Variants in PLA2R1 observed in about 807,000 individuals in gnomAD.
The protein encoded by PLA2R1 is secretory phospholipase A2 receptor.
PLA2R1 carries 158 observed loss-of-function variants against 195.9 expected under a neutral mutation model. The ratio of observed to expected loss-of-function variants is 0.81; its 90% CI spans 0.71 to 0.92. The LOEUF (loss-of-function observed/expected upper bound fraction) is 0.92, where lower values mean the gene tolerates loss of function less well. Ranked by LOEUF, PLA2R1 falls within the 40% of genes least tolerant of loss-of-function variation. The pLI is 0.00. For missense variants in PLA2R1, 1,626 were observed against 1,764.6 expected (o/e 0.92, Z 1.41); for synonymous variants, 586 against 598.2 (o/e 0.98, Z 0.30).
intron 7 of PLA2R1, among the ~76,000 whole-genome samples, chr2:160,021,045 C>A (rs1235191050): frequency 6.6e-6 from 1 of 152,020 alleles, no homozygotes; most frequent in Non-Finnish European, 1.5e-5. Flanking sequence ...AATAGGAAGG[C>A]CCACTGGATT....
chr2:159,989,039 C>T (rs1283501514), intron 11 of PLA2R1, among the ~76,000 whole-genome samples: 4 of 152,052 alleles, frequency 2.6e-5, no homozygotes, highest in African/African-American at 9.7e-5. Context: ...AATCAGAGAC[C>T]CTCAAAGGTA....
intron 6 of PLA2R1, 143 bp from the exon 7 acceptor site, chr2:160,023,002 C>T (rs1174919754): frequency 4.9e-6 from 3 of 610,184 alleles, no homozygotes; most frequent in Admixed American, 3.0e-5. Context: ...TCATGGAATT[C>T]TAGATCTTCA....
chr2:159,996,248 T>C (rs576132839), intron 11 of PLA2R1, among the ~76,000 whole-genome samples: 1 of 152,206 alleles, frequency 6.6e-6, no homozygotes, highest in East Asian at 1.9e-4. Flanking sequence ...TTTTGTTTGA[T>C]AAAAATCAGA....
At chr2:160,059,259 G>T (rs566073472) in intron 1 of PLA2R1, among the ~76,000 whole-genome samples, 2 of 152,304 alleles carry the variant, frequency 1.3e-5, no homozygotes, top group African/African-American at 4.8e-5. Context: ...TTCCTAACAG[G>T]CCACAAACTG....
At chr2:160,048,043 G>A (rs190424151) in intron 1 of PLA2R1, among the ~76,000 whole-genome samples, 31 of 152,166 alleles carry the variant, frequency 2.0e-4, no homozygotes, top group Admixed American at 3.9e-4. Context: ...ATATTGCCCA[G>A]GATGGTCTCA....
At chr2:160,006,127 T>A (rs996861672) in intron 10 of PLA2R1, among the ~76,000 whole-genome samples, 1 of 152,256 alleles carries the variant, frequency 6.6e-6, no homozygotes, top group Middle Eastern at 3.4e-3. Context: ...TGGCCAGCAA[T>A]GCATTTCTTG....
At chr2:159,974,694 T>TACAAATTTATGATGGGGAAAATTCCA (rs1458154071) in intron 17 of PLA2R1, among the ~76,000 whole-genome samples, 22 of 152,176 alleles carry the variant, frequency 1.4e-4, no homozygotes, top group East Asian at 5.8e-4. Context: ...CAAAATAGTG[T>TACAAATTTATGATGGGGAAAATTCCA]ACAAATTTAT....
At chr2:159,974,005 T>C (rs531916694) in intron 17 of PLA2R1, among the ~76,000 whole-genome samples, 19 of 152,146 alleles carry the variant, frequency 1.2e-4, no homozygotes, top group Admixed American at 4.6e-4. Flanking sequence ...GCCATCCCCA[T>C]TGGCTTCCCA....
At chr2:160,019,956 T>C in intron 8 of PLA2R1, 150 bp downstream of exon 8, 1 of 543,042 alleles carries the variant, frequency 1.8e-6, no homozygotes, top group South Asian at 3.5e-5. Context: ...ATGTTTTTTC[T>C]GTGTGTACTT....
chr2:160,042,812 T>C (rs930289349), intron 2 of PLA2R1, among the ~76,000 whole-genome samples: 4 of 27,856 alleles, frequency 1.4e-4, no homozygotes, highest in Admixed American at 1.2e-3. Flanking sequence ...TGTGTGTGTG[T>C]GTGTGTGTGT....
chr2:159,986,015 C>T (rs934792212), intron 12 of PLA2R1, among the ~76,000 whole-genome samples: 1 of 152,060 alleles, frequency 6.6e-6, no homozygotes. Flanking sequence ...GGGGAGCCCT[C>T]AGCTGTCATG....
At chr2:160,010,246 T>A (rs1202246935) in intron 10 of PLA2R1, among the ~76,000 whole-genome samples, 1 of 152,264 alleles carries the variant, frequency 6.6e-6, no homozygotes, top group Non-Finnish European at 1.5e-5. Context: ...ATTCAAAATT[T>A]AGACATACAT....
intron 8 of PLA2R1, 112 bp from the exon 9 acceptor site, chr2:160,016,824 T>C (rs1573903789): frequency 1.6e-6 from 1 of 628,624 alleles, no homozygotes; most frequent in East Asian, 2.8e-5. Context: ...CGTGGGATAA[T>C]GTTTCAGGCG....
chr2:160,016,831 G>A, intron 8 of PLA2R1, 119 bp from the exon 9 acceptor site: 2 of 617,616 alleles, frequency 3.2e-6, no homozygotes, highest in South Asian at 2.0e-5. Flanking sequence ...TAATGTTTCA[G>A]GCGGCACTCT....
At chr2:159,987,066 AG>A in intron 12 of PLA2R1, 89 bp downstream of exon 12, 1 of 972,330 alleles carries the variant, frequency 1.0e-6, no homozygotes, top group Non-Finnish European at 1.6e-6. Context: ...GGAAAAAAAA[AG>A]GGCCCCGGAA....
chr2:159,929,562 C>G (rs1298317277), downstream of PLA2R1, among the ~76,000 whole-genome samples: 2 of 152,158 alleles, frequency 1.3e-5, no homozygotes, highest in Admixed American at 6.5e-5. Context: ...GGAATGTAAA[C>G]TAGTACAACC....
chr2:160,006,424 A>C (rs898589179), intron 10 of PLA2R1, among the ~76,000 whole-genome samples: 6 of 152,190 alleles, frequency 3.9e-5, no homozygotes, highest in Non-Finnish European at 8.8e-5. Flanking sequence ...CTGAAGAAAA[A>C]TGTGAAAGCC....
chr2:160,053,081 G>A (rs1350473174), intron 1 of PLA2R1, among the ~76,000 whole-genome samples: 2 of 152,188 alleles, frequency 1.3e-5, no homozygotes, highest in Non-Finnish European at 2.9e-5. Context: ...CTGGAAGCGT[G>A]AGATTACAGT....
rs899875284 is a variant in PLA2R1 at position 159,936,741 on chromosome 2, C to T, written c.*5037G>A. ...ACTTAACAGTTCTCTAGTGCCATAG[C>T]AGCACTGGAAGCCCCATGTTCTGGA... On this transcript the variant is annotated 3_prime_UTR_variant, in exon 30 of 30. Coordinates refer to ENST00000283243, the MANE Select transcript of PLA2R1 (RefSeq NM_007366.5). 6.6e-6 allele frequency: 1 copy of T among 152,232 alleles called. No individual in the cohort carries two copies. Among genetic ancestry groups the T allele is most frequent in the African/African-American group, 2.4e-5 (1 of 41,456 alleles). The allele number at this position is 152,232 out of a possible 1,614,324, so 9.4% of individuals were successfully genotyped here. A position where few individuals can be genotyped will look rare whatever the true frequency, so the allele number is the denominator to read the frequency against.
Sources: allele counts gnomAD v4.1 joint callset (sites outside exome capture counted in the v4.1 genomes callset), GRCh38; gene constraint gnomAD v4.1.1; transcripts MANE v1.5; gene names NCBI Gene and HGNC (gene_info 2026-07-23, HGNC 2026-07-21).